SCN3A: variants seen among roughly 807,000 people sequenced by gnomAD.
The protein encoded by SCN3A is sodium voltage-gated channel alpha subunit 3.
Under a neutral mutation model 187.6 loss-of-function variants are expected in SCN3A, and 60 were observed. That is an observed-to-expected ratio of 0.32 (90% CI 0.26 to 0.40). SCN3A has a LOEUF of 0.40. Ranked by LOEUF, SCN3A falls within the 10% of genes least tolerant of loss-of-function variation. SCN3A has a pLI of 1.00. For synonymous variants in SCN3A, 788 were observed against 829.2 expected (o/e 0.95, Z 0.85); for missense variants, 1,601 against 2,428.2 (o/e 0.66, Z 7.16).
chr2:165,138,175 CT>C, intron 14 of SCN3A, 58 bp from the exon 15 acceptor site: 1 of 1,234,844 alleles, frequency 8.1e-7, no homozygotes, highest in Non-Finnish European at 1.2e-6. Context: ...GTTATTATTG[CT>C]AGTAGATTTT....
intron 1 of SCN3A, among the ~76,000 whole-genome samples, chr2:165,192,334 A>G (rs1691663128): frequency 1.3e-5 from 2 of 152,170 alleles, no homozygotes; most frequent in African/African-American, 4.8e-5. Flanking sequence ...AAAATATCTT[A>G]GGAAGTAAGA....
intron 1 of SCN3A, among the ~76,000 whole-genome samples, chr2:165,197,110 A>G (rs1207344593): frequency 2.0e-5 from 3 of 152,196 alleles, no homozygotes; most frequent in Admixed American, 1.3e-4. Flanking sequence ...ATGTAAAATT[A>G]TTTAAACACA....
In SCN3A at chr2:165,092,690, G is replaced by GA. The variant is rs1273456432; in HGVS notation, c.4537-167dup. 19 of 667,756 alleles carry GA rather than the reference G, an allele frequency of 2.8e-5. No homozygotes were observed. Among genetic ancestry groups the GA allele is most frequent in the South Asian group, 8.1e-5 (4 of 49,626 alleles). The allele number at this position is 667,756 out of a possible 1,614,324, so 41.4% of individuals were successfully genotyped here. On this transcript the variant is annotated intron_variant, in intron 26 of 27. Coordinates refer to ENST00000283254, the MANE Select transcript of SCN3A (RefSeq NM_006922.4). The surrounding 1 kb of genome is among the most constrained non-coding windows in gnomAD (Gnocchi z 4.2). ...TTTTCTCTTCATGTTAAAAAAAATG[G>GA]AAAAAAAATTTATATAGCTAAACAA...
chr2:165,190,538 TTTTATA>T (rs1331818638), intron 1 of SCN3A, among the ~76,000 whole-genome samples: 1 of 146,104 alleles, frequency 6.8e-6, no homozygotes, highest in Non-Finnish European at 1.5e-5. Flanking sequence ...ATATATAACA[TTTTATA>T]TTTATATATA....
intron 11 of SCN3A, among the ~76,000 whole-genome samples, chr2:165,148,066 C>A (rs1162144190): frequency 6.6e-6 from 1 of 152,046 alleles, no homozygotes; most frequent in Non-Finnish European, 1.5e-5. Context: ...TTATCTTTCC[C>A]ATTAACTGTA....
intron 2 of SCN3A, among the ~76,000 whole-genome samples, chr2:165,177,785 A>T (rs1690556629): frequency 6.6e-6 from 1 of 152,194 alleles, no homozygotes; most frequent in African/African-American, 2.4e-5. Context: ...GAAATCAGCT[A>T]TGTAAATTTC....
At chr2:165,138,283 T>C (rs1186941391) in intron 14 of SCN3A, among the ~76,000 whole-genome samples, 166 bp from the exon 15 acceptor site, 1 of 152,174 alleles carries the variant, frequency 6.6e-6, no homozygotes. Context: ...TTTCAGAAAA[T>C]GTTAATTAAA....
At chr2:165,197,849 A>T (rs918051310) in intron 1 of SCN3A, among the ~76,000 whole-genome samples, 1 of 152,004 alleles carries the variant, frequency 6.6e-6, no homozygotes, top group Non-Finnish European at 1.5e-5. Flanking sequence ...TGGTATAAAT[A>T]TAAAAAGATC....
chr2:165,197,997 A>T (rs952779942), intron 1 of SCN3A, among the ~76,000 whole-genome samples: 2 of 152,010 alleles, frequency 1.3e-5, no homozygotes, highest in African/African-American at 4.8e-5. Context: ...GGACATGTAT[A>T]TATCATATCA....
At chr2:165,144,617 C>CT (rs1201400714) in intron 12 of SCN3A, among the ~76,000 whole-genome samples, 2 of 152,170 alleles carry the variant, frequency 1.3e-5, no homozygotes, top group African/African-American at 4.8e-5. Context: ...CCCAAAATGT[C>CT]TTAATAGTGA....
chr2:165,113,816 C>G lies in SCN3A; in HGVS notation c.3669G>C (p.Leu1223Phe). ...TCTTGCCAATATGCATTTCACTTAC[C>G]AATGCACCACTACTGAGAAGGATCA... ...VFMILLSSGA[L>F]AFEDIYIEQR... Residue 1223 changes from leucine (L) to phenylalanine (F), a missense_variant and splice_region_variant, in exon 20 of 28, where the codon TTG (leucine) becomes TTC (phenylalanine). Leu to Phe is a conservative substitution (Grantham distance 22, BLOSUM62 0). Around this residue, in one of 11 missense-constraint regions of SCN3A, gnomAD observed 267 missense variants for 313.2 expected, o/e 0.85. Coordinates refer to ENST00000283254, the MANE Select transcript of SCN3A (RefSeq NM_006922.4). The G allele has an allele frequency of 6.2e-7, 1 of 1,613,454 alleles. No individual in the cohort carries two copies. The highest frequency in any genetic ancestry group is 8.5e-7 in the Non-Finnish European group (1 of 1,179,528).
intron 18 of SCN3A, among the ~76,000 whole-genome samples, chr2:165,120,547 G>T (rs1328066846): frequency 7.2e-5 from 11 of 151,798 alleles, no homozygotes. Flanking sequence ...TATGATTCAA[G>T]AGGCAAAATA....
intron 9 of SCN3A, among the ~76,000 whole-genome samples, chr2:165,158,196 T>C (rs1553536038): frequency 1.1e-5 from 1 of 93,428 alleles, no homozygotes; most frequent in Non-Finnish European, 1.9e-5. Flanking sequence ...GTTTCAGGAT[T>C]GTTAATCTAT....
Position 165,203,052 on chromosome 2 carries a change from G to C in SCN3A, c.-248+771C>G, listed in dbSNP as rs534313533. ...AAATTATTGTTTTATGGCTCCAGTG[G>C]TTCTTCCTGGTAATTAATAAAAATA... On this transcript the variant is annotated intron_variant, in intron 1 of 27. Transcript: ENST00000283254. Among the ~76,000 whole-genome samples, 21 of 151,838 alleles carry C rather than the reference G, an allele frequency of 1.4e-4. No individual in the cohort carries two copies. The South Asian group carries it at 1.7e-3, about 12-fold the overall frequency.
intron 3 of SCN3A, among the ~76,000 whole-genome samples, chr2:165,174,538 C>T (rs1172810805): frequency 2.6e-5 from 4 of 152,166 alleles, no homozygotes; most frequent in African/African-American, 9.7e-5. Flanking sequence ...TTTGTTTCCC[C>T]CTTAATCTTA....
intron 3 of SCN3A, among the ~76,000 whole-genome samples, chr2:165,174,676 C>T (rs994931323): frequency 6.6e-6 from 1 of 152,108 alleles, no homozygotes; most frequent in African/African-American, 2.4e-5. Context: ...TTCAGAGCAA[C>T]AGTTTTCACC....
Position 165,160,624 on chromosome 2 carries a change from C to CT in SCN3A, c.1031+1683dup, listed in dbSNP as rs544155425. ...AATTCTTTTCTTTTTTTAGAGTGTG[C>CT]TTTTTTTTTAAATTTATTAAAAAAA... is the stretch of plus-strand genomic sequence containing the variant. On this transcript the variant is annotated intron_variant, in intron 9 of 27. Coordinates refer to ENST00000283254, the MANE Select transcript of SCN3A (RefSeq NM_006922.4). Among the ~76,000 whole-genome samples, 829 of 150,878 alleles carry CT rather than the reference C, an allele frequency of 5.5e-3. 4 individuals are homozygous for CT. The highest frequency in any genetic ancestry group is 9.5e-3 in the Non-Finnish European group (641 of 67,640).
At chr2:165,167,029 A>G (rs1369968207) in intron 5 of SCN3A, among the ~76,000 whole-genome samples, 2 of 152,014 alleles carry the variant, frequency 1.3e-5, no homozygotes, top group East Asian at 3.9e-4. Context: ...CCTCCTGAGT[A>G]GCTGGGACTA....
chr2:165,170,407 G>T, intron 4 of SCN3A, 23 bp downstream of exon 4: 1 of 1,254,602 alleles, frequency 8.0e-7, no homozygotes, highest in South Asian at 1.2e-5. Flanking sequence ...ATAGCATTTA[G>T]GCAATTCACA....
Sources: gnomAD v4.1 joint callset for allele counts (sites outside exome capture counted in the v4.1 genomes callset) on GRCh38, gnomAD v4.1.1 for gene constraint, gnomAD v4.1.1 regional missense constraint, Gnocchi (gnomAD v3.1) non-coding constraint, MANE v1.5 for transcripts, NCBI Gene and HGNC (gene_info 2026-07-23, HGNC 2026-07-21) for gene names.